Variants in TRAK1 observed in about 807,000 individuals in gnomAD.
The protein encoded by TRAK1 is trafficking kinesin protein 1.
Under a neutral mutation model 92.1 loss-of-function variants are expected in TRAK1, and 33 were observed. That is an observed-to-expected ratio of 0.36 (90% confidence interval 0.27 to 0.48). The LOEUF (loss-of-function observed/expected upper bound fraction) is 0.48. Ranked by LOEUF, TRAK1 falls within the 20% of genes least tolerant of loss-of-function variation. The probability of loss-of-function intolerance (pLI) is 0.99; values close to 1 mark genes in which losing one functional copy is unlikely to be tolerated. For synonymous variants in TRAK1, 521 were observed against 517.3 expected (o/e 1.01, Z -0.10); for missense variants, 1,123 against 1,257.9 (o/e 0.89, Z 1.62).
chr3:42,123,022 T>C (rs545950846), intron 1 of TRAK1, among the ~76,000 whole-genome samples: 4 of 152,268 alleles, frequency 2.6e-5, no homozygotes, highest in Admixed American at 1.3e-4. Flanking sequence ...TGGAAAACCA[T>C]GCTGACTTCC....
upstream of TRAK1, among the ~76,000 whole-genome samples, chr3:42,090,276 C>G (rs991564242): frequency 6.6e-6 from 1 of 152,234 alleles, no homozygotes; most frequent in African/African-American, 2.4e-5. Flanking sequence ...TGAATTGATC[C>G]TTGGGATTCT....
chr3:42,193,717 G>T, intron 8 of TRAK1, 107 bp from the exon 9 acceptor site: 1 of 1,143,044 alleles, frequency 8.7e-7, no homozygotes, highest in Non-Finnish European at 1.3e-6. Flanking sequence ...AGATGAGCAT[G>T]TCCTTGTAGA....
At chr3:42,189,422 A>T (rs915257536) in intron 6 of TRAK1, among the ~76,000 whole-genome samples, 5 of 152,242 alleles carry the variant, frequency 3.3e-5, no homozygotes, top group African/African-American at 1.2e-4. Flanking sequence ...GGTGTTCTCC[A>T]GCTCTGACCA....
At chr3:42,100,261 G>C (rs528919827) in intron 1 of TRAK1, among the ~76,000 whole-genome samples, 141 of 152,294 alleles carry the variant, frequency 9.3e-4, no homozygotes, top group African/African-American at 3.2e-3. Context: ...CAGCTACTTG[G>C]GAGGCTGAGG....
intron 1 of TRAK1, among the ~76,000 whole-genome samples, chr3:42,052,931 A>G (rs1250629907): frequency 6.6e-6 from 1 of 152,122 alleles, no homozygotes; most frequent in Non-Finnish European, 1.5e-5. Flanking sequence ...TTCCCAAGGC[A>G]TTTGGAGTTG....
At chr3:42,149,635 A>G (rs1450264912) in intron 2 of TRAK1, 24 of 1,535,810 alleles carry the variant, frequency 1.6e-5, no homozygotes, top group Non-Finnish European at 1.8e-5. Flanking sequence ...GCCGGGATGT[A>G]TAGGGGTATT....
intron 2 of TRAK1, among the ~76,000 whole-genome samples, chr3:42,157,728 A>G (rs80026092): frequency 0.059 from 8,905 of 152,202 alleles, 272 homozygotes; most frequent in Middle Eastern, 0.085. Context: ...ATTAAAGAAG[A>G]CTCAAGAGAC....
intron 2 of TRAK1, among the ~76,000 whole-genome samples, chr3:42,135,254 T>C (rs1425123742): frequency 6.6e-6 from 1 of 152,212 alleles, no homozygotes; most frequent in East Asian, 1.9e-4. Flanking sequence ...CATGTTAGTT[T>C]TGTTCCCTCT....
At chr3:42,103,559 G>A (rs1168127164) in intron 1 of TRAK1, among the ~76,000 whole-genome samples, 2 of 152,160 alleles carry the variant, frequency 1.3e-5, no homozygotes, top group Non-Finnish European at 2.9e-5. Context: ...GAGAGCAGTG[G>A]TGGGGGATCG....
chr3:42,079,863 C>G (rs562471693), intron 1 of TRAK1, among the ~76,000 whole-genome samples: 47 of 152,220 alleles, frequency 3.1e-4, no homozygotes, highest in Non-Finnish European at 6.5e-4. Flanking sequence ...TCTGTCTGCT[C>G]GTGATCTCCT....
intron 1 of TRAK1, among the ~76,000 whole-genome samples, chr3:42,060,333 G>A (rs1288884768): frequency 6.6e-6 from 1 of 151,436 alleles, no homozygotes; most frequent in East Asian, 1.9e-4. Context: ...CAGCACCACG[G>A]TGGGGGGTGG....
At chr3:42,098,971 C>A (rs1167242182) in intron 1 of TRAK1, among the ~76,000 whole-genome samples, 1 of 148,898 alleles carries the variant, frequency 6.7e-6, no homozygotes, top group Non-Finnish European at 1.5e-5. Context: ...AGAGGCCATG[C>A]AGAGGAATTG....
intron 2 of TRAK1, among the ~76,000 whole-genome samples, chr3:42,167,109 A>G (rs1452233654): frequency 2.0e-5 from 3 of 152,242 alleles, no homozygotes; most frequent in Non-Finnish European, 4.4e-5. Flanking sequence ...GCGCTGGCTT[A>G]TCATGCCCCC....
chr3:42,193,992 C>G, intron 9 of TRAK1, 94 bp downstream of exon 9: 1 of 1,111,282 alleles, frequency 9.0e-7, no homozygotes, highest in Non-Finnish European at 1.3e-6. Context: ...ATCGCAACTA[C>G]TGTTTTTATT....
chr3:42,119,269 G>C (rs4973902), intron 1 of TRAK1, among the ~76,000 whole-genome samples: 94,901 of 152,026 alleles, frequency 0.62, 29,972 homozygotes, highest in South Asian at 0.77. Flanking sequence ...CTTTGCAATA[G>C]AGAGTGACAT....
chr3:42,100,975 C>G (rs150179973), intron 1 of TRAK1, among the ~76,000 whole-genome samples: 1 of 152,248 alleles, frequency 6.6e-6, no homozygotes. Flanking sequence ...GCCAACTTTA[C>G]AGGACTTTAA....
intron 2 of TRAK1, among the ~76,000 whole-genome samples, chr3:42,175,424 A>G (rs1353705815): frequency 6.6e-6 from 1 of 152,094 alleles, no homozygotes; most frequent in Non-Finnish European, 1.5e-5. Flanking sequence ...GTTTAAAGCT[A>G]CCCTTATAAA....
intron 1 of TRAK1, among the ~76,000 whole-genome samples, chr3:42,120,575 GCT>G (rs1709718315): frequency 6.6e-6 from 1 of 151,586 alleles, no homozygotes; most frequent in South Asian, 2.1e-4. Flanking sequence ...ATGGAGTCTC[GCT>G]CTGTCACCAG....
chr3:42,164,345 A>G (rs1178223293), intron 2 of TRAK1, among the ~76,000 whole-genome samples: 1 of 152,230 alleles, frequency 6.6e-6, no homozygotes, highest in Non-Finnish European at 1.5e-5. Flanking sequence ...TACAGGATAC[A>G]TTTGTTGTTC....
Sources: gnomAD v4.1 joint callset for allele counts (sites outside exome capture counted in the v4.1 genomes callset) on GRCh38, gnomAD v4.1.1 for gene constraint, MANE v1.5 for transcripts, NCBI Gene and HGNC (gene_info 2026-07-23, HGNC 2026-07-21) for gene names.